Variants in NIPBL observed in about 807,000 individuals in gnomAD.
NIPBL encodes nipped-B-like protein.
Under a neutral mutation model 321.8 loss-of-function variants are expected in NIPBL, and 19 were observed. The observed-to-expected ratio is 0.06, with a 90% CI of 0.04 to 0.09. NIPBL has a LOEUF of 0.09. Ranked by LOEUF, NIPBL falls within the 10% of genes least tolerant of loss-of-function variation. The pLI, the probability that NIPBL is intolerant of heterozygous loss-of-function variation, is 1.00. For missense variants in NIPBL, 2,210 were observed against 3,327.0 expected (o/e 0.66, Z 8.26); for synonymous variants, 1,106 against 1,114.1 (o/e 0.99, Z 0.14).
chr5:36,974,533 G>A (rs1207128227), intron 8 of NIPBL, among the ~76,000 whole-genome samples: 1 of 152,054 alleles, frequency 6.6e-6, no homozygotes. Flanking sequence ...TAGGCTTCAT[G>A]TTCCATTTCT....
intron 15 of NIPBL, 151 bp downstream of exon 15, chr5:37,002,916 G>T: frequency 3.4e-6 from 2 of 580,474 alleles, no homozygotes; most frequent in Non-Finnish European, 5.9e-6. Context: ...GAGTTTTTTT[G>T]TTTTTTTACA....
At chr5:36,908,215 T>C (rs1329089133) in intron 1 of NIPBL, among the ~76,000 whole-genome samples, 1 of 152,168 alleles carries the variant, frequency 6.6e-6, no homozygotes, top group African/African-American at 2.4e-5. Flanking sequence ...AAACTCTTTT[T>C]TGAGGATAAA....
intron 9 of NIPBL, among the ~76,000 whole-genome samples, chr5:36,981,407 G>A (rs1036665860): frequency 6.6e-6 from 1 of 151,644 alleles, no homozygotes; most frequent in African/African-American, 2.4e-5. Flanking sequence ...TTCCGCAGAA[G>A]AAAGACATTT....
chr5:36,976,631 TACTC>T (rs1743490942), intron 9 of NIPBL, among the ~76,000 whole-genome samples: 2 of 152,154 alleles, frequency 1.3e-5, no homozygotes, highest in African/African-American at 4.8e-5. Context: ...ACAGGTCTGT[TACTC>T]ATTATGTACT....
chr5:37,063,658 G>C (rs1755047630), intron 45 of NIPBL, 132 bp from the exon 46 acceptor site: 1 of 826,418 alleles, frequency 1.2e-6, no homozygotes, highest in Non-Finnish European at 1.9e-6. Context: ...ATGTTTACTA[G>C]CCCCTAATTT....
intron 1 of NIPBL, among the ~76,000 whole-genome samples, chr5:36,904,701 G>A (rs186188973): frequency 2.0e-4 from 31 of 152,258 alleles, no homozygotes; most frequent in African/African-American, 3.6e-4. Flanking sequence ...TCTGTTCCAA[G>A]CTTAATCACT....
At chr5:36,880,065 A>G (rs931150398) in intron 1 of NIPBL, among the ~76,000 whole-genome samples, 3 of 152,082 alleles carry the variant, frequency 2.0e-5, no homozygotes, top group Non-Finnish European at 2.9e-5. Flanking sequence ...TTAGGGATGT[A>G]AAGTGAAAGT....
At chr5:37,063,729 A>G in intron 45 of NIPBL, 61 bp from the exon 46 acceptor site, 1 of 1,513,864 alleles carries the variant, frequency 6.6e-7, no homozygotes. Flanking sequence ...ACATTTAGGA[A>G]TTTGACAATC....
intron 1 of NIPBL, among the ~76,000 whole-genome samples, chr5:36,895,450 G>A (rs1746660705): frequency 6.6e-6 from 1 of 152,136 alleles, no homozygotes; most frequent in African/African-American, 2.4e-5. Flanking sequence ...GTTTCTGTGT[G>A]GATATGTTTT....
intron 41 of NIPBL, among the ~76,000 whole-genome samples, chr5:37,052,139 A>G (rs1379670244): frequency 1.3e-5 from 2 of 152,100 alleles, no homozygotes; most frequent in African/African-American, 2.4e-5. Flanking sequence ...TACTATGTGA[A>G]CTTGGCTGCA....
chr5:36,917,628 G>A (rs574099996), intron 1 of NIPBL, among the ~76,000 whole-genome samples: 1 of 152,188 alleles, frequency 6.6e-6, no homozygotes, highest in Admixed American at 6.5e-5. Flanking sequence ...TATTGCCTAG[G>A]TTTTCTTCTA....
chr5:37,059,659 A>T (rs542748857), intron 44 of NIPBL, among the ~76,000 whole-genome samples: 1 of 152,306 alleles, frequency 6.6e-6, no homozygotes, highest in African/African-American at 2.4e-5. Flanking sequence ...TAAAGGGAAA[A>T]AAACATATTC....
At chr5:37,018,295 A>G (rs1749218871) in intron 24 of NIPBL, among the ~76,000 whole-genome samples, 1 of 152,208 alleles carries the variant, frequency 6.6e-6, no homozygotes, top group African/African-American at 2.4e-5. Context: ...AAAAATTATC[A>G]TTAATACAAT....
chr5:36,987,709 G>A (rs945141866), intron 10 of NIPBL, among the ~76,000 whole-genome samples: 12 of 151,898 alleles, frequency 7.9e-5, no homozygotes, highest in Non-Finnish European at 1.6e-4. Context: ...GCTAATATTT[G>A]TGTTCTTTGA....
At chr5:37,052,901 T>A (rs1753719688) in intron 42 of NIPBL, among the ~76,000 whole-genome samples, 1 of 152,216 alleles carries the variant, frequency 6.6e-6, no homozygotes, top group Non-Finnish European at 1.5e-5. Context: ...TGTTAGAGAA[T>A]AACTGTTCTA....
Position 37,052,355 on chromosome 5 carries a change from A to C in NIPBL, c.7063-11A>C, listed in dbSNP as rs144718523. On this transcript the variant is annotated splice_polypyrimidine_tract_variant and intron_variant, in intron 41 of 46. Transcript: ENST00000282516. ...TTTCCCTGACAAAAATGAGACTTTT[A>C]TTGATTTCAGATGAAAGCAGTGGCT... is the stretch of plus-strand genomic sequence containing the variant. 5.6e-6 allele frequency: 9 copies of C among 1,610,892 alleles called. No individual in the cohort carries two copies. The African/African-American group carries it at 1.1e-4, about 19-fold the overall frequency.
At chr5:37,019,678 C>A (rs983188889) in intron 25 of NIPBL, among the ~76,000 whole-genome samples, 1 of 152,088 alleles carries the variant, frequency 6.6e-6, no homozygotes, top group Non-Finnish European at 1.5e-5. Flanking sequence ...TAGGCTAGGT[C>A]ATTGGTTCTC....
At chr5:36,951,594 A>G (rs373710176) in intron 1 of NIPBL, among the ~76,000 whole-genome samples, 149 of 152,270 alleles carry the variant, frequency 9.8e-4, no homozygotes, top group Non-Finnish European at 1.8e-3. Flanking sequence ...TTAAATTCCA[A>G]CCAACTTTTT....
At chr5:36,877,334 G>T (rs1039265625) in intron 1 of NIPBL, among the ~76,000 whole-genome samples, 156 bp downstream of exon 1, 1 of 152,136 alleles carries the variant, frequency 6.6e-6, no homozygotes, top group African/African-American at 2.4e-5. Context: ...GGTGGCAGCC[G>T]CCTTGGGTAG....
Sources: allele counts gnomAD v4.1 joint callset (sites outside exome capture counted in the v4.1 genomes callset), GRCh38; gene constraint gnomAD v4.1.1; transcripts MANE v1.5; gene names NCBI Gene and HGNC (gene_info 2026-07-23, HGNC 2026-07-21).